Variants in DAB1 observed in about 807,000 individuals in gnomAD.
The protein encoded by DAB1 is DAB adaptor protein 1, also known as disabled homolog 1.
A neutral mutation model predicts 64.6 loss-of-function variants in DAB1; 15 were observed. The ratio of observed to expected loss-of-function variants is 0.23; its 90% CI spans 0.16 to 0.36. The LOEUF is 0.36. DAB1 is among the 10% of genes least tolerant of loss of function. DAB1 has a pLI of 1.00. For synonymous variants in DAB1, 235 were observed against 251.9 expected, an observed-to-expected ratio of 0.93 and a Z score of 0.64; for missense variants, 596 against 706.7, an observed-to-expected ratio of 0.84 and a Z score of 1.78.
chr1:57,010,629 G>T (rs1470190873), intron 14 of DAB1, 51 bp downstream of exon 14: 2 of 1,014,452 alleles, frequency 2.0e-6, no homozygotes, highest in South Asian at 2.4e-5. Context: ...ACAACCAAAA[G>T]GGAAAGCAGA....
intron 4 of DAB1, among the ~76,000 whole-genome samples, chr1:58,267,789 G>A (rs1463324005): frequency 6.6e-6 from 1 of 151,986 alleles, no homozygotes; most frequent in East Asian, 1.9e-4. Context: ...AACCCTCTTC[G>A]AAAAGTTCTT....
intron 5 of DAB1, among the ~76,000 whole-genome samples, chr1:58,040,168 C>G (rs921581479): frequency 6.6e-6 from 1 of 152,164 alleles, no homozygotes; most frequent in African/African-American, 2.4e-5. Context: ...GTCCATATTA[C>G]CAGTGGTCAC....
In DAB1 at chr1:58,300,122, T is replaced by C. The variant is rs577367463; in HGVS notation, n.309+43230A>G. Among the ~76,000 whole-genome samples, 33 of 152,252 alleles carry C rather than the reference T, an allele frequency of 2.2e-4. No homozygotes were observed. The South Asian group carries it at 6.6e-3, about 31-fold the overall frequency. ...AATGCTCTGATGACTCAGGATAATG[T>C]AGAAAACTGGGTAGTGGTGGGCTCT... On this transcript the variant is annotated intron_variant and non_coding_transcript_variant, in intron 4 of 20. Transcript: ENST00000485760.
At chr1:57,638,047 C>T (rs1186618406) in intron 7 of DAB1, among the ~76,000 whole-genome samples, 1 of 152,052 alleles carries the variant, frequency 6.6e-6, no homozygotes, top group East Asian at 1.9e-4. Context: ...TATTTATAAT[C>T]TGATACTAGT....
At chr1:58,245,014 A>G (rs1265188927) in intron 4 of DAB1, among the ~76,000 whole-genome samples, 2 of 152,204 alleles carry the variant, frequency 1.3e-5, no homozygotes, top group African/African-American at 2.4e-5. Flanking sequence ...CAGGTTTTCT[A>G]GCACACCTAC....
intron 7 of DAB1, among the ~76,000 whole-genome samples, chr1:57,468,921 A>G (rs895691781): frequency 1.2e-4 from 19 of 152,236 alleles, no homozygotes; most frequent in African/African-American, 4.3e-4. Context: ...GGTTACAGAG[A>G]TGAATAAAAT....
At chr1:57,800,635 T>C (rs1421393538) in intron 6 of DAB1, among the ~76,000 whole-genome samples, 1 of 152,162 alleles carries the variant, frequency 6.6e-6, no homozygotes, top group Non-Finnish European at 1.5e-5. Flanking sequence ...CAGAAGGTAA[T>C]TGGGATTTAA....
chr1:57,494,549 C>T (rs1330867065), intron 7 of DAB1, among the ~76,000 whole-genome samples: 1 of 152,146 alleles, frequency 6.6e-6, no homozygotes, highest in African/African-American at 2.4e-5. Context: ...GTGATGAGTC[C>T]CCATAGAAGA....
At chr1:58,082,430 A>AAAG (rs1553158470) in intron 5 of DAB1, among the ~76,000 whole-genome samples, 9 of 152,068 alleles carry the variant, frequency 5.9e-5, no homozygotes, top group African/African-American at 2.2e-4. Flanking sequence ...AAATAAAAAA[A>AAAG]AAAAGACAAA....
chr1:58,164,072 G>A (rs1240396306), intron 4 of DAB1, among the ~76,000 whole-genome samples: 1 of 151,422 alleles, frequency 6.6e-6, no homozygotes, highest in Non-Finnish European at 1.5e-5. Context: ...ATAAAAACAT[G>A]AGTGAAAAAA....
At chr1:56,999,185 C>A (rs1240821019) in intron 14 of DAB1, among the ~76,000 whole-genome samples, 1 of 152,200 alleles carries the variant, frequency 6.6e-6, no homozygotes, top group Non-Finnish European at 1.5e-5. Context: ...ATGTGTCTGG[C>A]ACCATGCTAG....
At chr1:57,042,730 A>G (rs1422875720) in intron 9 of DAB1, among the ~76,000 whole-genome samples, 1 of 152,170 alleles carries the variant, frequency 6.6e-6, no homozygotes, top group Non-Finnish European at 1.5e-5. Context: ...ACAATAGAAA[A>G]CTGAACAGAA....
At chr1:57,498,376 C>G (rs1644253286) in intron 7 of DAB1, among the ~76,000 whole-genome samples, 1 of 152,060 alleles carries the variant, frequency 6.6e-6, no homozygotes, top group African/African-American at 2.4e-5. Flanking sequence ...CCTTAGGAAA[C>G]CCTGTCATTA....
chr1:57,161,857 A>G (rs1660788071), intron 2 of DAB1, among the ~76,000 whole-genome samples: 1 of 152,128 alleles, frequency 6.6e-6, no homozygotes, highest in South Asian at 2.1e-4. Context: ...CTTCAAAAAA[A>G]AAAAAAAAGT....
intron 2 of DAB1, among the ~76,000 whole-genome samples, chr1:57,226,672 A>AAAAAAATATATATAT (rs747021990): frequency 1.8e-4 from 25 of 135,988 alleles, no homozygotes; most frequent in African/African-American, 7.4e-4. Flanking sequence ...TTAAAAAAAA[A>AAAAAAATATATATAT]ATATATATAT....
intron 2 of DAB1, among the ~76,000 whole-genome samples, chr1:57,265,356 G>T (rs997481306): frequency 6.6e-6 from 1 of 152,180 alleles, no homozygotes; most frequent in Non-Finnish European, 1.5e-5. Context: ...TTTCATGAGT[G>T]ACAGACATAC....
At chr1:57,602,344 G>GT (rs1311817241) in intron 7 of DAB1, among the ~76,000 whole-genome samples, 1 of 152,200 alleles carries the variant, frequency 6.6e-6, no homozygotes, top group Non-Finnish European at 1.5e-5. Flanking sequence ...AGAGAGTTCA[G>GT]TTTCCTTGAT....
rs116096925 is a variant in DAB1, at chr1:58,543,989, G to A, written n.32+2714C>T. Among the ~76,000 whole-genome samples the A allele has an allele frequency of 8.5e-3, 1,290 of 152,224 alleles. 16 individuals are homozygous for A. The highest frequency in any genetic ancestry group is 0.029 in the African/African-American group (1,203 of 41,520). Reference sequence around the variant, plus strand: ...ATATGTGGCTAGTGTCTACTGTATCGCACAGTACAGGTTTGTAGGGTCCAG... The same window carrying A: ...ATATGTGGCTAGTGTCTACTGTATCACACAGTACAGGTTTGTAGGGTCCAG... On this transcript the variant is annotated intron_variant and non_coding_transcript_variant, in intron 1 of 20. Coordinates refer to the DAB1 transcript ENST00000485760.
At chr1:57,291,332 G>C (rs1672759094) in intron 1 of DAB1, among the ~76,000 whole-genome samples, 166 bp from the exon 2 acceptor site, 1 of 152,168 alleles carries the variant, frequency 6.6e-6, no homozygotes, top group South Asian at 2.1e-4. Flanking sequence ...ACAGCAAAGG[G>C]AATGAGAGGC....
Sources: allele counts gnomAD v4.1 joint callset (sites outside exome capture counted in the v4.1 genomes callset), GRCh38; gene constraint gnomAD v4.1.1; transcripts MANE v1.5; gene names NCBI Gene and HGNC (gene_info 2026-07-23, HGNC 2026-07-21).